Variants in TUT4 observed in about 807,000 individuals in gnomAD.
TUT4 encodes terminal uridylyl transferase 4.
Under a neutral mutation model 192.2 loss-of-function variants are expected in TUT4, and 36 were observed. The ratio of observed to expected loss-of-function variants is 0.19; its 90% CI spans 0.14 to 0.25. The LOEUF is 0.25. TUT4 is among the 10% of genes least tolerant of loss of function. The pLI is 1.00. For synonymous variants in TUT4, 618 were observed against 666.0 expected, an observed-to-expected ratio of 0.93 and a Z score of 1.11; for missense variants, 1,493 against 1,957.2, an observed-to-expected ratio of 0.76 and a Z score of 4.47.
rs2274146 is a variant in TUT4, at chr1:52,445,734, C to T, written c.3822+53G>A. 5.5e-3 allele frequency: 7,364 copies of T among 1,346,300 alleles called. 89 individuals are homozygous for T. The highest frequency in any genetic ancestry group is 0.033 in the East Asian group (1,421 of 43,348). 83.4% of individuals were successfully genotyped at this position (1,346,300 alleles called of 1,614,324 possible). ...TCAGTTTGGAAACACAATTAAGTTT[C>T]TTGTTCTATTTAAAAAAAGAAAAGA... On this transcript the variant is annotated intron_variant, in intron 24 of 29. Coordinates refer to ENST00000257177, the MANE Select transcript of TUT4 (RefSeq NM_001009881.3).
chr1:52,518,041 G>A (rs1366604260), intron 2 of TUT4, among the ~76,000 whole-genome samples: 1 of 152,078 alleles, frequency 6.6e-6, no homozygotes, highest in Non-Finnish European at 1.5e-5. Flanking sequence ...ATAATACCAG[G>A]CAGAACGTCC....
chr1:52,443,846 T>C (rs920874732), intron 24 of TUT4, among the ~76,000 whole-genome samples: 2 of 152,194 alleles, frequency 1.3e-5, no homozygotes, highest in Non-Finnish European at 2.9e-5. Context: ...TAAACACAAA[T>C]AGTTGGATTC....
At chr1:52,451,082 G>A (rs1659257063) in intron 20 of TUT4, among the ~76,000 whole-genome samples, 2 of 151,804 alleles carry the variant, frequency 1.3e-5, no homozygotes, top group Admixed American at 1.3e-4. Context: ...TGGCTAACAC[G>A]GTGAAACCCC....
At chr1:52,515,732 A>G (rs908006660) in intron 3 of TUT4, 159 bp downstream of exon 3, 10 of 805,060 alleles carry the variant, frequency 1.2e-5, no homozygotes, top group Non-Finnish European at 1.6e-5. Flanking sequence ...GCAAGGAAGA[A>G]AAGAGGGAAA....
At chr1:52,535,089 T>C (rs1264712791) in intron 1 of TUT4, 1 of 152,212 alleles carries the variant, frequency 6.6e-6, no homozygotes, top group Admixed American at 6.5e-5. Context: ...ATTCATCTTG[T>C]TGCATAGTCA....
At chr1:52,496,541 G>A (rs1025421531) in intron 5 of TUT4, among the ~76,000 whole-genome samples, 1 of 152,046 alleles carries the variant, frequency 6.6e-6, no homozygotes, top group Non-Finnish European at 1.5e-5. Context: ...TATGGGCTAA[G>A]CAAATAGTCC....
intron 15 of TUT4, among the ~76,000 whole-genome samples, chr1:52,467,898 A>T (rs1355476422): frequency 6.6e-6 from 1 of 152,146 alleles, no homozygotes; most frequent in African/African-American, 2.4e-5. Flanking sequence ...ACCTTATGAG[A>T]GAGGCCTATC....
chr1:52,447,225 G>A lies in TUT4; in HGVS notation c.3436-558C>T, dbSNP rs1161637377. ...AGCACTTTGGGAGGCCGAGAATGGT[G>A]GATCATGAGGTCAGGAGTTTGAGAC... is the stretch of plus-strand genomic sequence containing the variant. On this transcript the variant is annotated intron_variant, in intron 20 of 29. Coordinates refer to ENST00000257177, the MANE Select transcript of TUT4 (RefSeq NM_001009881.3). Among the ~76,000 whole-genome samples, 4 of 152,082 alleles carry A rather than the reference G, an allele frequency of 2.6e-5. No individual in the cohort carries two copies. The South Asian group carries it at 6.2e-4, about 24-fold the overall frequency.
Position 52,475,291 on chromosome 1 carries a change from T to G in TUT4, c.2268A>C (p.Ile756=), listed in dbSNP as rs147697574. 4.9e-5 allele frequency: 79 copies of G among 1,614,074 alleles called. No individual in the cohort carries two copies. In the African/African-American group the frequency reaches 9.6e-4, roughly 20 times the overall value. ...GAACAGGTTGCTCTCTTTCTGCATTTATTTTTTCTGTGGTTTCCCCAAGCA... is the reference window on the plus strand; with the variant it reads ...GAACAGGTTGCTCTCTTTCTGCATTGATTTTTTCTGTGGTTTCCCCAAGCA... ...CILLGETTEK[I]NAEREQPVQC... is the part of the protein sequence containing the mutation. The change falls in exon 13 of 30, where the codon ATA becomes ATC. Residue 756 remains isoleucine, a synonymous_variant. Transcript: ENST00000257177.
intron 15 of TUT4, among the ~76,000 whole-genome samples, chr1:52,465,539 T>C (rs1663858889): frequency 6.6e-6 from 1 of 152,242 alleles, no homozygotes; most frequent in South Asian, 2.1e-4. Flanking sequence ...TATCTGTCTC[T>C]CAATGTCCAC....
chr1:52,453,901 T>C (rs1660134614), intron 20 of TUT4, among the ~76,000 whole-genome samples: 1 of 152,176 alleles, frequency 6.6e-6, no homozygotes, highest in Non-Finnish European at 1.5e-5. Context: ...ACAAGATTAA[T>C]ATAAAAAATT....
Position 52,481,921 on chromosome 1 carries a change from C to T in TUT4, c.1518G>A (p.Leu506=), listed in dbSNP as rs750263260. ...LVLAFRYWAK[L]CYIDSQTDGG... ...CATCAGTTTGGGAGTCAATATAGCA[C>T]AACTGCAAAATGAAGGGGAAAAAAG... is the stretch of plus-strand genomic sequence containing the variant. The change falls in exon 10 of 30, where the codon TTG becomes TTA. Residue 506 remains leucine (L), a splice_region_variant and synonymous_variant. Transcript: ENST00000257177. 2.0e-6 allele frequency: 3 copies of T among 1,513,184 alleles called. No homozygotes were observed. In the South Asian group the frequency reaches 4.2e-5, roughly 21 times the overall value. The allele number at this position is 1,513,184 out of a possible 1,614,324, so 93.7% of individuals were successfully genotyped here.
chr1:52,506,494 TTTTG>T (rs747805282), intron 4 of TUT4, among the ~76,000 whole-genome samples: 9 of 152,316 alleles, frequency 5.9e-5, no homozygotes, highest in Non-Finnish European at 1.3e-4. Flanking sequence ...ACTTTTTTCT[TTTTG>T]TTTAATTTTT....
rs1341751178 is a variant in TUT4 at position 52,445,695 on chromosome 1, C to T, written c.3822+92G>A. 4.4e-5 allele frequency: 40 copies of T among 914,576 alleles called. 1 individual carries two copies. The South Asian group carries it at 6.2e-4, about 14-fold the overall frequency. The allele number at this position is 914,576 out of a possible 1,614,324, so 56.7% of individuals were successfully genotyped here. ...TATACAAAGCTATGACCATCTCTTT[C>T]CCTATATCTAACATCAGTTTGGAAA... is the stretch of plus-strand genomic sequence containing the variant. On this transcript the variant is annotated intron_variant, in intron 24 of 29. Transcript: ENST00000257177.
chr1:52,546,660 C>T (rs1452747171), intron 1 of TUT4, among the ~76,000 whole-genome samples: 2 of 152,124 alleles, frequency 1.3e-5, no homozygotes, highest in Non-Finnish European at 2.9e-5. Context: ...GAATGATACA[C>T]TTAAAAATCA....
intron 16 of TUT4, chr1:52,463,763 T>TC: frequency 7.7e-7 from 1 of 1,304,240 alleles, no homozygotes; most frequent in Non-Finnish European, 1.0e-6. Flanking sequence ...ACAATCTCCT[T>TC]CCCACTATTA....
At chr1:52,467,138 C>G (rs1436508943) in intron 15 of TUT4, among the ~76,000 whole-genome samples, 1 of 152,014 alleles carries the variant, frequency 6.6e-6, no homozygotes, top group Non-Finnish European at 1.5e-5. Flanking sequence ...GAGTGAGAAC[C>G]TGTCTCTAAA....
At chr1:52,497,927 C>T (rs1374942526) in intron 4 of TUT4, among the ~76,000 whole-genome samples, 1 of 152,176 alleles carries the variant, frequency 6.6e-6, no homozygotes, top group Non-Finnish European at 1.5e-5. Context: ...CCCACACAGG[C>T]ATTTTCTATT....
At chr1:52,546,959 C>G (rs1408225365) in intron 1 of TUT4, among the ~76,000 whole-genome samples, 2 of 151,838 alleles carry the variant, frequency 1.3e-5, no homozygotes, top group Admixed American at 6.6e-5. Context: ...TAATGAGATC[C>G]TGTCTCTACA....
Sources: allele counts gnomAD v4.1 joint callset (sites outside exome capture counted in the v4.1 genomes callset), GRCh38; gene constraint gnomAD v4.1.1; transcripts MANE v1.5; gene names NCBI Gene and HGNC (gene_info 2026-07-23, HGNC 2026-07-21).